Variants in MYO5B observed in about 807,000 individuals in gnomAD.
MYO5B encodes unconventional myosin-Vb.
Under a neutral mutation model 229.3 loss-of-function variants are expected in MYO5B, and 143 were observed. That is an observed-to-expected ratio of 0.62 (90% CI 0.54 to 0.72). The LOEUF is 0.72. Ranked by LOEUF, MYO5B falls within the 30% of genes least tolerant of loss-of-function variation. The pLI, the probability that MYO5B is intolerant of heterozygous loss-of-function variation, is 0.00. For missense variants in MYO5B, 2,321 were observed against 2,331.0 expected (o/e 1.00, Z 0.09); for synonymous variants, 918 against 885.2 (o/e 1.04, Z -0.66).
At chr18:49,910,706 G>T in intron 18 of MYO5B, among the ~76,000 whole-genome samples, 1 of 152,188 alleles carries the variant, frequency 6.6e-6, no homozygotes, top group East Asian at 1.9e-4. Flanking sequence ...CTAAGATGAT[G>T]CTGGGAAGAT....
chr18:50,105,204 A>AAAATAAAT (rs149697050), intron 1 of MYO5B, among the ~76,000 whole-genome samples: 3,957 of 139,048 alleles, frequency 0.028, 71 homozygotes, highest in African/African-American at 0.046. Context: ...AGGCATGGTA[A>AAAATAAAT]AAATAAATAA....
intron 38 of MYO5B, among the ~76,000 whole-genome samples, chr18:49,836,317 TAC>T (rs1031094893): frequency 3.3e-5 from 5 of 152,224 alleles, no homozygotes; most frequent in African/African-American, 4.8e-5. Context: ...AGGTTTTTCT[TAC>T]AGTTATATTT....
chr18:49,837,498 G>A lies in MYO5B; in HGVS notation c.5138+19C>T, dbSNP rs764370265. ...AGGGCCCACTCTATCTGTGTTGTTG[G>A]GGGGTGCTCCTCCCTTACCTGAGTT... On this transcript the variant is annotated intron_variant, in intron 37 of 39. Coordinates refer to ENST00000285039, the MANE Select transcript of MYO5B (RefSeq NM_001080467.3). 1.2e-6 allele frequency: 2 copies of A among 1,613,450 alleles called. No individual in the cohort carries two copies. Among genetic ancestry groups the A allele is most frequent in the African/African-American group, 1.3e-5 (1 of 75,022 alleles).
At chr18:49,958,463 C>G (rs2025520688) in intron 12 of MYO5B, among the ~76,000 whole-genome samples, 1 of 152,214 alleles carries the variant, frequency 6.6e-6, no homozygotes. Context: ...GAAATAGAAG[C>G]TGTCAAGCAG....
chr18:50,018,081 T>C (rs2026235167), intron 4 of MYO5B, among the ~76,000 whole-genome samples: 1 of 152,178 alleles, frequency 6.6e-6, no homozygotes, highest in South Asian at 2.1e-4. Context: ...AGAAATATTT[T>C]TAATACATAT....
At chr18:50,035,410 T>C (rs563799032) in intron 4 of MYO5B, among the ~76,000 whole-genome samples, 7 of 152,332 alleles carry the variant, frequency 4.6e-5, no homozygotes, top group Admixed American at 3.3e-4. Context: ...AACCATCTTC[T>C]AAAGGAGGAA....
intron 1 of MYO5B, among the ~76,000 whole-genome samples, chr18:50,079,851 T>C (rs533509126): frequency 2.0e-5 from 3 of 152,276 alleles, no homozygotes; most frequent in East Asian, 3.9e-4. Context: ...CCCTCCTTAA[T>C]TCTGCCAGCG....
intron 4 of MYO5B, among the ~76,000 whole-genome samples, chr18:50,030,483 C>G (rs2026375441): frequency 1.3e-5 from 2 of 152,166 alleles, no homozygotes; most frequent in South Asian, 2.1e-4. Context: ...CATTTCCATA[C>G]TGCTTCCCTG....
At chr18:49,901,665 G>T (rs2024842987) in intron 21 of MYO5B, among the ~76,000 whole-genome samples, 1 of 152,212 alleles carries the variant, frequency 6.6e-6, no homozygotes, top group Non-Finnish European at 1.5e-5. Context: ...TTAAGCAGAA[G>T]AACTGAATTC....
At chr18:50,139,696 C>T (rs2032388404) in intron 1 of MYO5B, among the ~76,000 whole-genome samples, 2 of 152,256 alleles carry the variant, frequency 1.3e-5, no homozygotes, top group East Asian at 1.9e-4. Context: ...CTGGGCTTAG[C>T]GAGAATCCAT....
At chr18:49,872,117 G>T in intron 27 of MYO5B, 50 bp downstream of exon 27, 1 of 1,565,668 alleles carries the variant, frequency 6.4e-7, no homozygotes, top group Non-Finnish European at 8.8e-7. Context: ...TTTGTCATCT[G>T]CCCTCTGCCA....
intron 1 of MYO5B, among the ~76,000 whole-genome samples, chr18:50,163,514 T>C (rs2032800673): frequency 6.6e-6 from 1 of 152,206 alleles, no homozygotes; most frequent in Non-Finnish European, 1.5e-5. Context: ...ACAGCATGAA[T>C]CTCCTGGGGC....
At chr18:49,872,331 G>T in intron 26 of MYO5B, 99 bp from the exon 27 acceptor site, 1 of 1,172,532 alleles carries the variant, frequency 8.5e-7, no homozygotes, top group Non-Finnish European at 1.3e-6. Context: ...CTGCCTGTGC[G>T]TGAATACCCA....
At chr18:50,185,890 TTAGAGTAA>T (rs1056951281) in intron 1 of MYO5B, among the ~76,000 whole-genome samples, 2 of 152,188 alleles carry the variant, frequency 1.3e-5, no homozygotes, top group Non-Finnish European at 2.9e-5. Context: ...AGATTAAGAT[TTAGAGTAA>T]TAGACATGGC....
chr18:49,883,316 C>T (rs2024608335), intron 22 of MYO5B, among the ~76,000 whole-genome samples: 1 of 151,370 alleles, frequency 6.6e-6, no homozygotes, highest in Non-Finnish European at 1.5e-5. Context: ...GGTCCAATTT[C>T]AATATACAAA....
chr18:49,977,386 A>C (rs1247362815), intron 9 of MYO5B, among the ~76,000 whole-genome samples: 1 of 152,118 alleles, frequency 6.6e-6, no homozygotes, highest in African/African-American at 2.4e-5. Flanking sequence ...GCTTTAATTA[A>C]AAATAAAAAC....
chr18:50,096,019 T>C (rs2031543041), intron 1 of MYO5B, among the ~76,000 whole-genome samples: 1 of 152,184 alleles, frequency 6.6e-6, no homozygotes, highest in African/African-American at 2.4e-5. Flanking sequence ...TACCAGGGCA[T>C]TCTCCCAGTC....
intron 23 of MYO5B, among the ~76,000 whole-genome samples, chr18:49,879,695 G>A (rs953424720): frequency 3.9e-5 from 6 of 152,166 alleles, no homozygotes; most frequent in African/African-American, 1.4e-4. Flanking sequence ...TATGGGAGAA[G>A]GGGATTTGCT....
intron 1 of MYO5B, among the ~76,000 whole-genome samples, chr18:50,144,640 T>G (rs1339614232): frequency 6.6e-6 from 1 of 152,218 alleles, no homozygotes; most frequent in Non-Finnish European, 1.5e-5. Flanking sequence ...AGACATTTAT[T>G]CTTCAGGGTT....
Sources: allele counts gnomAD v4.1 joint callset (sites outside exome capture counted in the v4.1 genomes callset), GRCh38; gene constraint gnomAD v4.1.1; transcripts MANE v1.5; gene names NCBI Gene and HGNC (gene_info 2026-07-23, HGNC 2026-07-21).